RCN3: variants seen among roughly 807,000 people sequenced by gnomAD.
The protein encoded by RCN3 is reticulocalbin-3.
RCN3 carries 41 observed loss-of-function variants against 35.9 expected under a neutral mutation model. The observed-to-expected ratio is 1.14, with a 90% confidence interval of 0.89 to 1.48. The LOEUF is 1.48. RCN3 is among the 40% of genes most tolerant of loss of function. The pLI, the probability that RCN3 is intolerant of heterozygous loss-of-function variation, is 0.00. For missense variants in RCN3, 451 were observed against 471.3 expected, an observed-to-expected ratio of 0.96 and a Z score of 0.40; for synonymous variants, 187 against 193.4, an observed-to-expected ratio of 0.97 and a Z score of 0.27.
chr19:49,536,395 G>A (rs1253695449), intron 3 of RCN3, among the ~76,000 whole-genome samples: 1 of 148,888 alleles, frequency 6.7e-6, no homozygotes, highest in African/African-American at 2.5e-5. Flanking sequence ...CATCCTCCTG[G>A]GTTCAAGCAA....
At chr19:49,535,868 A>C (rs896460482) in intron 3 of RCN3, among the ~76,000 whole-genome samples, 4 of 146,044 alleles carry the variant, frequency 2.7e-5, no homozygotes, top group African/African-American at 7.6e-5. Context: ...AAAAATATAT[A>C]TATATATAGA....
chr19:49,541,536 G>C (rs2080162937), intron 5 of RCN3, among the ~76,000 whole-genome samples: 1 of 152,122 alleles, frequency 6.6e-6, no homozygotes, highest in African/African-American at 2.4e-5. Flanking sequence ...ATCACTTGAG[G>C]TCAAGAGTTC....
Position 49,528,708 on chromosome 19 carries a change from G to C in RCN3, c.236G>C (p.Arg79Pro), listed in dbSNP as rs373868597. ...CTCACCCCAGAGGAAAGCCAGGCCC[G>C]TCTGGGGTAAGAGAGACATTCGGTT... Reference protein sequence around the residue: ...DQLTPEESQARLGRIVDRMDR... With the variant: ...DQLTPEESQAPLGRIVDRMDR... The change falls in exon 2 of 7, where the codon CGT (arginine) becomes CCT (proline). Residue 79 changes from arginine (R) to proline (P), a missense_variant. Coordinates refer to ENST00000270645, the MANE Select transcript of RCN3 (RefSeq NM_020650.3). The C allele has an allele frequency of 3.8e-6, 6 of 1,588,832 alleles. No homozygotes were observed. The highest frequency in any genetic ancestry group is 5.1e-6 in the Non-Finnish European group (6 of 1,166,892).
At chr19:49,532,789 C>T (rs780503506) in intron 2 of RCN3, among the ~76,000 whole-genome samples, 4 of 152,212 alleles carry the variant, frequency 2.6e-5, no homozygotes, top group South Asian at 2.1e-4. Context: ...AATTCTCCCG[C>T]GTCAGCCTCC....
chr19:49,539,877 C>G (rs956905721), intron 5 of RCN3, among the ~76,000 whole-genome samples: 1 of 151,990 alleles, frequency 6.6e-6, no homozygotes, highest in African/African-American at 2.4e-5. Context: ...TGCCTGCCAC[C>G]ACGCCTGGCT....
In RCN3 at chr19:49,543,258, G is replaced by C. The variant is rs776548347; in HGVS notation, c.*45G>C. The C allele has an allele frequency of 6.7e-7, 1 of 1,495,542 alleles. No homozygotes were observed. Among genetic ancestry groups the C allele is most frequent in the East Asian group, 2.3e-5 (1 of 43,456 alleles). 92.6% of individuals were successfully genotyped at this position (1,495,542 alleles called of 1,614,324 possible). A position where few individuals can be genotyped will look rare whatever the true frequency, so the allele number is the denominator to read the frequency against. ...GCCTCAGAGGCCCGCACAATGACCG[G>C]AGGAGGGGCCGCTGTGGTCTGGCCC... is the stretch of plus-strand genomic sequence containing the variant. On this transcript the variant is annotated 3_prime_UTR_variant, in exon 7 of 7. Transcript: ENST00000270645.
At chr19:49,532,100 CTTT>C (rs925920521) in intron 2 of RCN3, among the ~76,000 whole-genome samples, 25 of 93,042 alleles carry the variant, frequency 2.7e-4, no homozygotes, top group African/African-American at 8.4e-4. Context: ...GGCGCCTGGC[CTTT>C]TTTTTTTTTT....
rs1427729636 is a variant in RCN3 at position 49,534,153 on chromosome 19, G to GCGGGAC, written c.243-38_243-33dup. 15 of 1,451,196 alleles carry GCGGGAC rather than the reference G, an allele frequency of 1.0e-5. No individual in the cohort carries two copies. The Admixed American group carries it at 3.7e-4, about 36-fold the overall frequency. The allele number at this position is 1,451,196 out of a possible 1,614,324, so 89.9% of individuals were successfully genotyped here. On this transcript the variant is annotated intron_variant, in intron 2 of 6. Coordinates refer to ENST00000270645, the MANE Select transcript of RCN3 (RefSeq NM_020650.3). ...CCCGTGCGAGGGGCGGGGCCTGGGG[G>GCGGGAC]CGGGACCAGAGCCTGACGTGTGCCC...
In RCN3 at chr19:49,534,509, G is replaced by C. The variant is rs531478205; in HGVS notation, c.445+114G>C. On this transcript the variant is annotated intron_variant, in intron 3 of 6. Transcript: ENST00000270645. ...CCCGGAGTCCCTGGCCCCTAACCAG[G>C]CTCTACCCACTTTTAGGAGCCCATA... 2.8e-6 allele frequency: 3 copies of C among 1,069,708 alleles called. No homozygotes were observed. The Admixed American group carries it at 9.2e-5, about 33-fold the overall frequency. 66.3% of individuals were successfully genotyped at this position (1,069,708 alleles called of 1,614,324 possible). A position where few individuals can be genotyped will look rare whatever the true frequency, so the allele number is the denominator to read the frequency against.
chr19:49,528,215 G>C (rs1312526679), intron 1 of RCN3, 157 bp downstream of exon 1: 1 of 426,548 alleles, frequency 2.3e-6, no homozygotes, highest in South Asian at 6.8e-5. Context: ...GTCTGTCTCT[G>C]TAATTCCCCC....
intron 2 of RCN3, among the ~76,000 whole-genome samples, chr19:49,529,183 AAAC>A (rs56212111): frequency 9.2e-5 from 14 of 152,008 alleles, no homozygotes; most frequent in South Asian, 2.1e-4. Flanking sequence ...TCCGTCTAAA[AAAC>A]AACAACAACA....
Position 49,543,336 on chromosome 19 carries a change from C to T in RCN3, c.*123C>T. On this transcript the variant is annotated 3_prime_UTR_variant, in exon 7 of 7. Coordinates refer to ENST00000270645, the MANE Select transcript of RCN3 (RefSeq NM_020650.3). ...AGATGCAGTCCCAGGCATCCTCCTG[C>T]CCCTGGGCTCTCAGGGACCCCCTGG... The T allele has an allele frequency of 2.5e-6, 2 of 786,936 alleles. No individual in the cohort carries two copies. Among genetic ancestry groups the T allele is most frequent in the South Asian group, 1.6e-5 (1 of 63,682 alleles). 48.7% of individuals were successfully genotyped at this position (786,936 alleles called of 1,614,324 possible).
chr19:49,532,698 C>A (rs558432458), intron 2 of RCN3, among the ~76,000 whole-genome samples: 2 of 147,802 alleles, frequency 1.4e-5, no homozygotes, highest in Non-Finnish European at 3.0e-5. Flanking sequence ...TTATTTGAGA[C>A]GGAGTCTCGC....
chr19:49,537,205 T>C lies in RCN3; in HGVS notation c.618T>C (p.Ala206=). The change falls in exon 4 of 7, where the codon GCT becomes GCC. Residue 206 remains alanine, a splice_region_variant and synonymous_variant. Coordinates refer to ENST00000270645, the MANE Select transcript of RCN3 (RefSeq NM_020650.3). The part of the protein sequence containing the change: ...EFPHMRDIVI[A]ETLEDLDRNK... ...CTCACATGCGGGACATCGTGATTGCTGTGAGTGGCGGCTGGGGAACCCTGT... is the reference window on the plus strand; with the variant it reads ...CTCACATGCGGGACATCGTGATTGCCGTGAGTGGCGGCTGGGGAACCCTGT... 6.6e-7 allele frequency: 1 copy of C among 1,505,492 alleles called. No homozygotes were observed. Among genetic ancestry groups the C allele is most frequent in the Middle Eastern group, 1.9e-4 (1 of 5,254 alleles). 93.3% of individuals were successfully genotyped at this position (1,505,492 alleles called of 1,614,324 possible). A position where few individuals can be genotyped will look rare whatever the true frequency, so the allele number is the denominator to read the frequency against.
intron 5 of RCN3, among the ~76,000 whole-genome samples, chr19:49,542,059 C>CAAA (rs56896990): frequency 3.4e-5 from 4 of 116,448 alleles, no homozygotes; most frequent in African/African-American, 9.4e-5. Flanking sequence ...GACTCCATCT[C>CAAA]AAAAAAAAAA....
At chr19:49,537,653 C>T (rs1249256614) in intron 4 of RCN3, among the ~76,000 whole-genome samples, 2 of 151,878 alleles carry the variant, frequency 1.3e-5, no homozygotes, top group East Asian at 1.9e-4. Context: ...ATTACAGGGG[C>T]GCACCACCAC....
chr19:49,528,450 C>A lies in RCN3; in HGVS notation c.-6-17C>A. Reference sequence around the variant, plus strand: ...CATCCCTGTGACCCCTGACCCCTGGCCTTTGCCACTCCCCAGGGACCGATG... The same window carrying A: ...CATCCCTGTGACCCCTGACCCCTGGACTTTGCCACTCCCCAGGGACCGATG... On this transcript the variant is annotated splice_polypyrimidine_tract_variant and intron_variant, in intron 1 of 6. Transcript: ENST00000270645. 1.4e-6 allele frequency: 2 copies of A among 1,478,938 alleles called. No homozygotes were observed. The highest frequency in any genetic ancestry group is 1.8e-6 in the Non-Finnish European group (2 of 1,114,450). 91.6% of individuals were successfully genotyped at this position (1,478,938 alleles called of 1,614,324 possible). A position where few individuals can be genotyped will look rare whatever the true frequency, so the allele number is the denominator to read the frequency against.
intron 2 of RCN3, among the ~76,000 whole-genome samples, chr19:49,532,107 T>C (rs1324130064): frequency 1.5e-5 from 2 of 133,096 alleles, no homozygotes; most frequent in Non-Finnish European, 3.2e-5. Context: ...GGCCTTTTTT[T>C]TTTTTTTTTT....
At chr19:49,528,845 C>T in intron 2 of RCN3, 131 bp downstream of exon 2, 2 of 1,203,242 alleles carry the variant, frequency 1.7e-6, no homozygotes, top group Non-Finnish European at 2.2e-6. Context: ...ATTCTACCTT[C>T]TATCCTTGGG....
Sources: gnomAD v4.1 joint callset for allele counts (sites outside exome capture counted in the v4.1 genomes callset) on GRCh38, gnomAD v4.1.1 for gene constraint, MANE v1.5 for transcripts, NCBI Gene and HGNC (gene_info 2026-07-23, HGNC 2026-07-21) for gene names.